HIBCH: variants seen among roughly 807,000 people sequenced by gnomAD.
HIBCH encodes the protein 3-hydroxyisobutyryl-CoA hydrolase, mitochondrial.
HIBCH carries 50 observed loss-of-function variants against 58.2 expected under a neutral mutation model. The ratio of observed to expected loss-of-function variants is 0.86; its 90% confidence interval spans 0.68 to 1.09. HIBCH has a LOEUF of 1.09. HIBCH is among the 50% of genes least tolerant of loss of function. The probability of loss-of-function intolerance (pLI) is 0.00; values close to 1 mark genes in which losing one functional copy is unlikely to be tolerated. For synonymous variants in HIBCH, 151 were observed against 146.9 expected (o/e 1.03, Z -0.20); for missense variants, 450 against 449.7 (o/e 1.00, Z -0.01).
rs1559036294 is a variant in HIBCH, at chr2:190,254,761, T to G, written c.518-2454A>C. Among the ~76,000 whole-genome samples, 1 of 152,256 alleles carries G rather than the reference T, an allele frequency of 6.6e-6. No homozygotes were observed. The highest frequency in any genetic ancestry group is 1.9e-4 in the East Asian group (1 of 5,170). On this transcript the variant is annotated intron_variant, in intron 7 of 13. Transcript: ENST00000359678. This position sits in a 1 kb window ranked among gnomAD's most constrained non-coding sequence, Gnocchi z 5.0. Reference sequence around the variant, plus strand: ...CAAAACATGTTTCAAATCTATTCACTCTTTTCAACTCTATACCTCCAAACT... The same window carrying G: ...CAAAACATGTTTCAAATCTATTCACGCTTTTCAACTCTATACCTCCAAACT...
intron 2 of HIBCH, among the ~76,000 whole-genome samples, chr2:190,300,313 C>T (rs548719310): frequency 6.6e-6 from 1 of 152,274 alleles, no homozygotes; most frequent in East Asian, 1.9e-4. Flanking sequence ...TCTGCACATC[C>T]TCACCAGCAT....
At chr2:190,223,518 A>G (rs1006331306) in intron 11 of HIBCH, among the ~76,000 whole-genome samples, 1 of 152,246 alleles carries the variant, frequency 6.6e-6, no homozygotes, top group Non-Finnish European at 1.5e-5. Flanking sequence ...AGTCAAGGAA[A>G]GGCTTTGTGA....
intron 12 of HIBCH, 79 bp from the exon 13 acceptor site, chr2:190,208,992 T>A (rs2105898566): frequency 7.7e-7 from 1 of 1,305,374 alleles, no homozygotes; most frequent in East Asian, 2.4e-5. Context: ...CTCTATTCAC[T>A]TCAGCCTTCC....
intron 1 of HIBCH, among the ~76,000 whole-genome samples, chr2:190,191,250 C>G (rs911234880): frequency 7.2e-5 from 11 of 152,082 alleles, no homozygotes; most frequent in Non-Finnish European, 1.3e-4. Context: ...TCAGGTGATT[C>G]TCATGCCTCA....
rs1474749493 is a variant in HIBCH at position 190,237,593 on chromosome 2, AGTTTAT to A, written c.891+7288_891+7293del. 3.9e-5 allele frequency among the ~76,000 whole-genome samples: 6 copies of A among 151,956 alleles called. No individual in the cohort carries two copies. The South Asian group carries it at 6.2e-4, about 16-fold the overall frequency. On this transcript the variant is annotated intron_variant, in intron 11 of 13. Transcript: ENST00000359678. Reference sequence around the variant, plus strand: ...AGAGTGGGGCTGTTGGGTCTTGGTGAGTTTATGTTTAACTTTGTAAGAAACTGCCAA... The same window carrying A: ...AGAGTGGGGCTGTTGGGTCTTGGTGAGTTTAACTTTGTAAGAAACTGCCAA...
At chr2:190,275,821 GAAC>G (rs1242462947) in intron 6 of HIBCH, among the ~76,000 whole-genome samples, 9 of 152,188 alleles carry the variant, frequency 5.9e-5, no homozygotes, top group Admixed American at 5.9e-4. Context: ...TTAATGGCAT[GAAC>G]AATAGCCAAT....
At chr2:190,309,575 A>G (rs1283561354) in intron 2 of HIBCH, among the ~76,000 whole-genome samples, 3 of 147,530 alleles carry the variant, frequency 2.0e-5, no homozygotes, top group Non-Finnish European at 4.5e-5. Context: ...TTTTTTTTTT[A>G]AGACAGAGTC....
chr2:190,237,520 T>C (rs1392974172), intron 11 of HIBCH, among the ~76,000 whole-genome samples: 2 of 152,200 alleles, frequency 1.3e-5, no homozygotes, highest in African/African-American at 4.8e-5. Flanking sequence ...CATGTAAATA[T>C]AAGCATTTGT....
intron 11 of HIBCH, among the ~76,000 whole-genome samples, chr2:190,227,037 C>T (rs1402596093): frequency 6.6e-6 from 1 of 152,184 alleles, no homozygotes; most frequent in Non-Finnish European, 1.5e-5. Context: ...CCATCCCCAT[C>T]AAGCTACCAA....
chr2:190,257,616 A>C (rs1257351739), intron 7 of HIBCH, among the ~76,000 whole-genome samples: 3 of 152,172 alleles, frequency 2.0e-5, no homozygotes, highest in Admixed American at 1.3e-4. Context: ...GTCTTAGTCC[A>C]TTTTGTGTTG....
chr2:190,205,281 T>C (rs200215262), intron 13 of HIBCH, 49 bp from the exon 14 acceptor site: 3 of 1,031,448 alleles, frequency 2.9e-6, no homozygotes, highest in African/African-American at 1.6e-5. Context: ...TGTCTAATAT[T>C]GCTAGATTTT....
At chr2:190,192,400 C>T (rs1019043629) in intron 1 of HIBCH, among the ~76,000 whole-genome samples, 2 of 151,210 alleles carry the variant, frequency 1.3e-5, no homozygotes, top group Admixed American at 1.3e-4. Flanking sequence ...ATTGTTCTTT[C>T]TCAAAATTGT....
intron 1 of HIBCH, among the ~76,000 whole-genome samples, chr2:190,318,655 T>C (rs1344265487): frequency 2.0e-5 from 3 of 152,208 alleles, no homozygotes; most frequent in Non-Finnish European, 4.4e-5. Flanking sequence ...CTTTCCTAAG[T>C]CAGCTAACTT....
intron 1 of HIBCH, among the ~76,000 whole-genome samples, chr2:190,196,982 G>C (rs1160271313): frequency 6.6e-6 from 1 of 152,122 alleles, no homozygotes; most frequent in African/African-American, 2.4e-5. Flanking sequence ...CCAAGTTTAA[G>C]GCATGAGCAT....
At chr2:190,193,257 T>TTGTC (rs1417840595) in intron 1 of HIBCH, among the ~76,000 whole-genome samples, 1 of 152,134 alleles carries the variant, frequency 6.6e-6, no homozygotes, top group Non-Finnish European at 1.5e-5. Context: ...ATTATATCTA[T>TTGTC]TGTCTTTGGA....
chr2:190,212,569 T>G (rs2105901442), intron 12 of HIBCH, among the ~76,000 whole-genome samples: 1 of 152,320 alleles, frequency 6.6e-6, no homozygotes, highest in African/African-American at 2.4e-5. Context: ...ATTTGTGCAT[T>G]TACTTTATAT....
chr2:190,285,110 ATC>A (rs1230568226), intron 6 of HIBCH, among the ~76,000 whole-genome samples: 2 of 152,130 alleles, frequency 1.3e-5, no homozygotes, highest in South Asian at 2.1e-4. Context: ...TATTAAATTC[ATC>A]TCTTTCTAAT....
intron 2 of HIBCH, among the ~76,000 whole-genome samples, chr2:190,310,334 T>C (rs2124860485): frequency 6.6e-6 from 1 of 152,348 alleles, no homozygotes; most frequent in East Asian, 1.9e-4. Context: ...GAGTCAATTC[T>C]CCTTAATAAA....
At chr2:190,269,285 C>T (rs137958807) in intron 6 of HIBCH, among the ~76,000 whole-genome samples, 106 of 152,124 alleles carry the variant, frequency 7.0e-4, no homozygotes, top group African/African-American at 2.5e-3. Flanking sequence ...CTGTCATCAA[C>T]GTGAACAGGC....
Sources: allele counts gnomAD v4.1 joint callset (sites outside exome capture counted in the v4.1 genomes callset), GRCh38; gene constraint gnomAD v4.1.1; non-coding constraint Gnocchi (gnomAD v3.1); transcripts MANE v1.5; gene names NCBI Gene and HGNC (gene_info 2026-07-23, HGNC 2026-07-21).